NTNG2: variants seen among roughly 807,000 people sequenced by gnomAD.
The protein encoded by NTNG2 is netrin-G2.
A neutral mutation model predicts 47.6 loss-of-function variants in NTNG2; 15 were observed. That is an observed-to-expected ratio of 0.32 (90% CI 0.21 to 0.49). The LOEUF is 0.49. Among genes scored for constraint, NTNG2 ranks in the 20% least tolerant of loss-of-function variants. The pLI is 0.99. For missense variants in NTNG2, 578 were observed against 764.6 expected (o/e 0.76, Z 2.88); for synonymous variants, 307 against 324.6 (o/e 0.95, Z 0.58).
chr9:132,192,100 T>C (rs1403886608), intron 2 of NTNG2, among the ~76,000 whole-genome samples: 5 of 152,206 alleles, frequency 3.3e-5, no homozygotes, highest in Admixed American at 6.5e-5. Flanking sequence ...GTTGATCTGC[T>C]GTCCTGGAGA....
intron 2 of NTNG2, among the ~76,000 whole-genome samples, chr9:132,183,104 G>A (rs1029882035): frequency 1.3e-5 from 2 of 152,032 alleles, no homozygotes; most frequent in Admixed American, 6.5e-5. Flanking sequence ...GCCTGCCTCG[G>A]CTCTCTCAGA....
chr9:132,194,600 G>A (rs1838140454), intron 2 of NTNG2, among the ~76,000 whole-genome samples: 1 of 152,240 alleles, frequency 6.6e-6, no homozygotes, highest in African/African-American at 2.4e-5. Context: ...CCTCAGAGGT[G>A]CCATCTGCTC....
At chr9:132,227,963 T>C (rs1361379326) in intron 4 of NTNG2, among the ~76,000 whole-genome samples, 1 of 152,166 alleles carries the variant, frequency 6.6e-6, no homozygotes, top group Non-Finnish European at 1.5e-5. Context: ...CTAGGCACTT[T>C]GTGCATCTCG....
At position 132,226,774 on chromosome 9, in the gene NTNG2, C is replaced by T. The variant is rs942683366; in HGVS notation, c.858-75C>T. The T allele has an allele frequency of 1.8e-5, 24 of 1,349,792 alleles. No individual in the cohort carries two copies. The highest frequency in any genetic ancestry group is 1.3e-4 in the East Asian group (5 of 37,100). The allele number at this position is 1,349,792 out of a possible 1,614,324, so 83.6% of individuals were successfully genotyped here. ...ACCCTCCTGGGCCCCTCCTGGGAGG[C>T]GCTCCTTTCCCCAGAGGCCAGGCCA... On this transcript the variant is annotated intron_variant, in intron 3 of 7. Coordinates refer to ENST00000393229, the MANE Select transcript of NTNG2 (RefSeq NM_032536.4). This position sits in a 1 kb window ranked among gnomAD's most constrained non-coding sequence, Gnocchi z 4.8.
chr9:132,184,661 C>T (rs1046441512), intron 2 of NTNG2, among the ~76,000 whole-genome samples: 8 of 152,190 alleles, frequency 5.3e-5, no homozygotes, highest in African/African-American at 9.7e-5. Context: ...TGGTGGCTCA[C>T]GCCTGTAATC....
chr9:132,240,911 G>T lies in NTNG2; in HGVS notation c.1224G>T (p.Glu408Asp). 1.2e-6 allele frequency: 2 copies of T among 1,612,914 alleles called. No individual in the cohort carries two copies. Among genetic ancestry groups the T allele is most frequent in the Non-Finnish European group, 1.7e-6 (2 of 1,179,848 alleles). ...GCGCCCGTGCCCGTGTCCGTCCAGA[G>T]TGTAACTGCAACCAGATAGGCTCCG... The part of the protein sequence containing the change: ...AELDDENVCI[E>D]CNCNQIGSVH... The change falls in exon 7 of 8, where the codon GAG becomes GAT. Residue 408 changes from glutamate to aspartate, a missense_variant and splice_region_variant. Transcript: ENST00000393229.
At chr9:132,170,006 G>A (rs1835785789) in intron 2 of NTNG2, among the ~76,000 whole-genome samples, 1 of 152,174 alleles carries the variant, frequency 6.6e-6, no homozygotes, top group Non-Finnish European at 1.5e-5. Context: ...GCGGCCAGAT[G>A]CCCACTGCCC....
Position 132,163,573 on chromosome 9 carries a change from C to G in NTNG2, c.-484+1334C>G, listed in dbSNP as rs1311589922. ...CACTCTCCCCTGAAAGCAGATTTCA[C>G]CCCCCTCTGCCGCCCCTGCCGAGGA... is the stretch of plus-strand genomic sequence containing the variant. On this transcript the variant is annotated intron_variant, in intron 1 of 7. Coordinates refer to ENST00000393229, the MANE Select transcript of NTNG2 (RefSeq NM_032536.4). The surrounding 1 kb of genome is among the most constrained non-coding windows in gnomAD (Gnocchi z 7.2). 6.6e-6 allele frequency among the ~76,000 whole-genome samples: 1 copy of G among 152,156 alleles called. No individual in the cohort carries two copies. The highest frequency in any genetic ancestry group is 2.4e-5 in the African/African-American group (1 of 41,448).
In NTNG2 at chr9:132,236,820, T is replaced by C. The variant is rs972553651; in HGVS notation, c.1055-2284T>C. On this transcript the variant is annotated intron_variant, in intron 5 of 7. Transcript: ENST00000393229. The surrounding 1 kb of genome is among the most constrained non-coding windows in gnomAD (Gnocchi z 4.3). Reference sequence around the variant, plus strand: ...GGGGTCCCAGCGGGATTCTGGGCAGTGGAAGGCAGGTGCCGTCCGTGTTCC... The same window carrying C: ...GGGGTCCCAGCGGGATTCTGGGCAGCGGAAGGCAGGTGCCGTCCGTGTTCC... Among the ~76,000 whole-genome samples the C allele has an allele frequency of 2.6e-5, 4 of 152,174 alleles. No individual in the cohort carries two copies. Among genetic ancestry groups the C allele is most frequent in the Non-Finnish European group, 4.4e-5 (3 of 68,022 alleles).
chr9:132,174,448 C>T (rs556499894), intron 2 of NTNG2, among the ~76,000 whole-genome samples: 10 of 152,168 alleles, frequency 6.6e-5, no homozygotes, highest in African/African-American at 1.4e-4. Flanking sequence ...AGATGGGGCC[C>T]GGGGGCATCC....
intron 2 of NTNG2, among the ~76,000 whole-genome samples, chr9:132,169,819 C>T (rs1383964013): frequency 7.9e-5 from 12 of 152,356 alleles, no homozygotes; most frequent in Middle Eastern, 3.4e-3. Flanking sequence ...ATTATGGCCT[C>T]GGTGATTTTC....
At chr9:132,235,072 G>A (rs1030823376) in intron 5 of NTNG2, among the ~76,000 whole-genome samples, 1 of 152,168 alleles carries the variant, frequency 6.6e-6, no homozygotes, top group Non-Finnish European at 1.5e-5. Context: ...TGTGTCACTG[G>A]TTCATGCTGG....
chr9:132,191,229 G>T (rs1482347925), intron 2 of NTNG2, among the ~76,000 whole-genome samples: 1 of 152,116 alleles, frequency 6.6e-6, no homozygotes, highest in East Asian at 1.9e-4. Flanking sequence ...GACAGTCCAC[G>T]CCATGAAGTT....
intron 5 of NTNG2, among the ~76,000 whole-genome samples, chr9:132,234,446 A>G (rs17148812): frequency 0.14 from 20,705 of 152,186 alleles, 1,633 homozygotes; most frequent in African/African-American, 0.22. Context: ...CTTCCCACAC[A>G]CCTGAGTGTG....
In NTNG2 at chr9:132,231,150, C is replaced by T; in HGVS notation, c.1054+555C>T. 2.6e-6 allele frequency: 1 copy of T among 377,802 alleles called. No individual in the cohort carries two copies. Among genetic ancestry groups the T allele is most frequent in the Non-Finnish European group, 5.3e-6 (1 of 189,192 alleles). 23.4% of individuals were successfully genotyped at this position (377,802 alleles called of 1,614,324 possible). On this transcript the variant is annotated intron_variant, in intron 5 of 7. Transcript: ENST00000393229. The surrounding 1 kb of genome is among the most constrained non-coding windows in gnomAD (Gnocchi z 4.1). ...CAGCTCAGGTCCCAGGGGAGTCGGACCAGGGAGGGGCATCTGCAGGAGGTG... is the reference window on the plus strand; with the variant it reads ...CAGCTCAGGTCCCAGGGGAGTCGGATCAGGGAGGGGCATCTGCAGGAGGTG...
In NTNG2 at chr9:132,189,068, C is replaced by CTTTTTTTTTTTTTTTTTTTTTTT. The variant is rs749756559; in HGVS notation, c.214-8893_214-8871dup. On this transcript the variant is annotated intron_variant, in intron 2 of 7. Transcript: ENST00000393229. ...TATGTGAAAAAGGCTTTAAGCCTTT[C>CTTTTTTTTTTTTTTTTTTTTTTT]TTTTTTTTTTTTTTTTTTTTTTTTT... Among the ~76,000 whole-genome samples the CTTTTTTTTTTTTTTTTTTTTTTT allele has an allele frequency of 6.3e-4, 59 of 93,280 alleles. 7 individuals are homozygous for CTTTTTTTTTTTTTTTTTTTTTTT. Among genetic ancestry groups the CTTTTTTTTTTTTTTTTTTTTTTT allele is most frequent in the Admixed American group, 9.8e-4 (8 of 8,194 alleles). The allele number at this position is 93,280 out of a possible 152,430, so 61.2% of individuals were successfully genotyped here.
At chr9:132,204,508 TACCC>T (rs913704920) in intron 3 of NTNG2, among the ~76,000 whole-genome samples, 44 of 152,064 alleles carry the variant, frequency 2.9e-4, no homozygotes, top group Admixed American at 2.8e-3. Flanking sequence ...CCTATTCCTG[TACCC>T]ACCCTCCCTG....
Position 132,226,976 on chromosome 9 carries a change from C to A in NTNG2, c.985C>A (p.Arg329=). 1 of 1,610,682 alleles carries A rather than the reference C, an allele frequency of 6.2e-7. No individual in the cohort carries two copies. The highest frequency in any genetic ancestry group is 1.1e-5 in the South Asian group (1 of 90,982). ...CKKNFRTRSW[R]AGSYLPLPHG... ...GAAGAATTTCCGCACCCGGTCCTGG[C>A]GGGCCGGCTCCTACCTGCCGCTGCC... is the stretch of plus-strand genomic sequence containing the variant. The change falls in exon 4 of 8, where the codon CGG becomes AGG. Residue 329 remains arginine, a synonymous_variant. Transcript: ENST00000393229. This position sits in a 1 kb window ranked among gnomAD's most constrained non-coding sequence, Gnocchi z 4.8.
At chr9:132,186,763 C>T (rs183741033) in intron 2 of NTNG2, among the ~76,000 whole-genome samples, 83 of 152,372 alleles carry the variant, frequency 5.4e-4, no homozygotes, top group Admixed American at 1.6e-3. Context: ...GGATGCCCAC[C>T]GCCTCTCCCC....
Sources: allele counts gnomAD v4.1 joint callset (sites outside exome capture counted in the v4.1 genomes callset), GRCh38; gene constraint gnomAD v4.1.1; non-coding constraint Gnocchi (gnomAD v3.1); transcripts MANE v1.5; gene names NCBI Gene and HGNC (gene_info 2026-07-23, HGNC 2026-07-21).